Variants in TAF8 observed in about 807,000 individuals in gnomAD.
TAF8 encodes the protein transcription initiation factor TFIID subunit 8.
A neutral mutation model predicts 36.5 loss-of-function variants in TAF8; 47 were observed. The observed-to-expected ratio is 1.29, with a 90% confidence interval of 1.02 to 1.64. TAF8 has a LOEUF of 1.64. TAF8 is among the 40% of genes most tolerant of loss of function. TAF8 has a pLI of 0.00. For synonymous variants in TAF8, 175 were observed against 159.5 expected, an observed-to-expected ratio of 1.10 and a Z score of -0.73; for missense variants, 420 against 407.6, an observed-to-expected ratio of 1.03 and a Z score of -0.26.
chr6:42,051,173 G>T (rs916424802), intron 1 of TAF8, 184 bp from the exon 2 acceptor site: 104 of 1,309,734 alleles, frequency 7.9e-5, no homozygotes, highest in Non-Finnish European at 9.5e-5. Flanking sequence ...AGTGGTCTCT[G>T]TATTTAAAGC....
Position 42,066,313 on chromosome 6 carries a change from C to T in TAF8, c.491C>T (p.Thr164Met). 4.3e-6 allele frequency: 7 copies of T among 1,613,810 alleles called. No homozygotes were observed. Among genetic ancestry groups the T allele is most frequent in the Non-Finnish European group, 3.4e-6 (4 of 1,180,014 alleles). The stretch of plus-strand genomic sequence containing the variant: ...GTGTCTTTGCTGCTCTCTTCGTAGA[C>T]GTACCGTGAGCCCGTGTCAGACTAC... ...PDPHTYIKTP[T>M]YREPVSDYQV... Residue 164 changes from threonine (T) to methionine (M), a missense_variant and splice_region_variant, in exon 6 of 9, where the codon ACG (threonine) becomes ATG (methionine). By Grantham distance (81) the Thr-to-Met change is moderately conservative (BLOSUM62 -1). Transcript: ENST00000372977.
rs369684699 is a variant in TAF8, at chr6:42,068,418, C to T, written c.638-47C>T. ...AGGCTCTAGGACTCTAAGCCAGCTG[C>T]GAGGTCTCTGTGACAGTGGACTCAT... On this transcript the variant is annotated intron_variant, in intron 6 of 8. Coordinates refer to ENST00000372977, the MANE Select transcript of TAF8 (RefSeq NM_138572.3). 255 of 1,609,936 alleles carry T rather than the reference C, an allele frequency of 1.6e-4. 1 individual carries two copies. The highest frequency in any genetic ancestry group is 1.7e-4 in the Middle Eastern group (1 of 6,050).
At chr6:42,052,906 G>A (rs890314605) in intron 2 of TAF8, among the ~76,000 whole-genome samples, 7 of 152,126 alleles carry the variant, frequency 4.6e-5, no homozygotes, top group African/African-American at 1.7e-4. Context: ...AAGCTGAAAA[G>A]GCCCTGCCTT....
At position 42,056,112 on chromosome 6, in the gene TAF8, CTTG is replaced by C. The variant is rs879694639; in HGVS notation, c.364+103_364+105del. The stretch of plus-strand genomic sequence containing the variant: ...TAGGGATTGGATTAGTAGCTACTTC[CTTG>C]TTGTGGGCTCTCTTCCAATGTTTGG... On this transcript the variant is annotated intron_variant, in intron 4 of 8. Transcript: ENST00000372977. The C allele has an allele frequency of 4.9e-5, 39 of 795,804 alleles. No individual in the cohort carries two copies. In the Admixed American group the frequency reaches 7.3e-4, roughly 15 times the overall value. The allele number at this position is 795,804 out of a possible 1,614,324, so 49.3% of individuals were successfully genotyped here.
chr6:42,077,776 G>A lies in TAF8; in HGVS notation c.*231G>A, dbSNP rs764896274. The A allele has an allele frequency of 4.4e-6, 6 of 1,378,308 alleles. No individual in the cohort carries two copies. Among genetic ancestry groups the A allele is most frequent in the Non-Finnish European group, 5.6e-6 (6 of 1,063,866 alleles). The allele number at this position is 1,378,308 out of a possible 1,614,324, so 85.4% of individuals were successfully genotyped here. On this transcript the variant is annotated 3_prime_UTR_variant, in exon 9 of 9. Transcript: ENST00000372977. ...ATGAGAATTTTTTTTTTTATTTTGA[G>A]ATGGAGTCTTACTCTATCACCCAGG...
At chr6:42,052,355 T>C (rs1368924951) in intron 2 of TAF8, among the ~76,000 whole-genome samples, 1 of 136,976 alleles carries the variant, frequency 7.3e-6, no homozygotes, top group Non-Finnish European at 1.6e-5. Flanking sequence ...AGAGTCTCAC[T>C]GTGTTGCCCA....
intron 7 of TAF8, among the ~76,000 whole-genome samples, chr6:42,072,785 T>C (rs1233009405): frequency 6.6e-6 from 1 of 151,990 alleles, no homozygotes; most frequent in South Asian, 2.1e-4. Context: ...TGCAGTGGCG[T>C]GATCTCGGCT....
chr6:42,057,650 TGGCTCACAC>T, intron 5 of TAF8, 137 bp downstream of exon 5: 1 of 1,228,642 alleles, frequency 8.1e-7, no homozygotes, highest in South Asian at 1.5e-5. Context: ...CCGGGCACAT[TGGCTCACAC>T]CTGTAATCCC....
intron 4 of TAF8, among the ~76,000 whole-genome samples, chr6:42,057,174 G>A (rs1765021742): frequency 6.6e-6 from 1 of 152,248 alleles, no homozygotes; most frequent in African/African-American, 2.4e-5. Flanking sequence ...CTTGTGGGCA[G>A]ATTGTTGTCA....
downstream of TAF8, chr6:42,086,845 T>A: frequency 8.1e-7 from 1 of 1,237,058 alleles, no homozygotes; most frequent in Non-Finnish European, 1.2e-6. Flanking sequence ...ACCCAGGCTC[T>A]GTGCTCCTTC....
chr6:42,072,387 A>G (rs906910349), intron 7 of TAF8, among the ~76,000 whole-genome samples: 2 of 152,194 alleles, frequency 1.3e-5, no homozygotes, highest in Non-Finnish European at 2.9e-5. Context: ...TATGGTGACA[A>G]TCCCTCCCAT....
chr6:42,073,227 C>T (rs1459789236), intron 7 of TAF8, among the ~76,000 whole-genome samples: 2 of 152,188 alleles, frequency 1.3e-5, no homozygotes, highest in East Asian at 1.9e-4. Context: ...CTGCTCTCTG[C>T]AGCCAACCCA....
At chr6:42,068,964 G>A (rs1023034420) in intron 7 of TAF8, among the ~76,000 whole-genome samples, 9 of 152,142 alleles carry the variant, frequency 5.9e-5, no homozygotes, top group African/African-American at 2.2e-4. Flanking sequence ...TAGAGTGACC[G>A]AGAAGGGGGC....
intron 4 of TAF8, among the ~76,000 whole-genome samples, chr6:42,056,579 TG>T (rs1764994564): frequency 6.6e-6 from 1 of 152,132 alleles, no homozygotes; most frequent in South Asian, 2.1e-4. Flanking sequence ...TTGTAGGACC[TG>T]GAGAGAGTTA....
chr6:42,086,128 T>A (rs935988483), downstream of TAF8, among the ~76,000 whole-genome samples: 2 of 152,224 alleles, frequency 1.3e-5, no homozygotes, highest in Non-Finnish European at 2.9e-5. Flanking sequence ...CTGTTGTTCA[T>A]AAGCCACCCA....
At chr6:42,070,560 A>G (rs949081292) in intron 7 of TAF8, among the ~76,000 whole-genome samples, 15 of 152,226 alleles carry the variant, frequency 9.9e-5, no homozygotes, top group African/African-American at 3.4e-4. Flanking sequence ...TCTGATAGCC[A>G]CATACGGCCA....
At chr6:42,060,291 C>T (rs1216300060) in intron 5 of TAF8, among the ~76,000 whole-genome samples, 2 of 152,188 alleles carry the variant, frequency 1.3e-5, no homozygotes, top group African/African-American at 2.4e-5. Flanking sequence ...CATAATTTTT[C>T]TCTCTCCAGT....
chr6:42,060,672 A>T (rs1765160243), intron 5 of TAF8, among the ~76,000 whole-genome samples: 6 of 152,178 alleles, frequency 3.9e-5, no homozygotes, highest in Admixed American at 3.9e-4. Context: ...CAGATTCCCC[A>T]ACGGGCTTTA....
In TAF8 at chr6:42,066,339, C is replaced by T. The variant is rs1418630138; in HGVS notation, c.517C>T (p.Gln173Ter). Reference sequence around the variant, plus strand: ...GTACCGTGAGCCCGTGTCAGACTACCAGGTCCTGCGGGAGAAGGCTGCATC... The same window carrying T: ...GTACCGTGAGCCCGTGTCAGACTACTAGGTCCTGCGGGAGAAGGCTGCATC... ...PTYREPVSDYQVLREKAASQR... is the reference protein window; with the variant it reads ...PTYREPVSDY Residue 173 changes from glutamine (Q) to a stop codon, truncating the protein, a stop_gained, in exon 6 of 9, where the codon CAG becomes TAG. Coordinates refer to ENST00000372977, the MANE Select transcript of TAF8 (RefSeq NM_138572.3). LOFTEE classifies it high-confidence loss of function. The T allele has an allele frequency of 6.2e-7, 1 of 1,614,138 alleles. No individual in the cohort carries two copies. Among genetic ancestry groups the T allele is most frequent in the African/African-American group, 1.3e-5 (1 of 75,050 alleles).
Sources: gnomAD v4.1 joint callset for allele counts (sites outside exome capture counted in the v4.1 genomes callset) on GRCh38, gnomAD v4.1.1 for gene constraint, MANE v1.5 for transcripts, NCBI Gene and HGNC (gene_info 2026-07-23, HGNC 2026-07-21) for gene names.